NFIB: variants seen among roughly 807,000 people sequenced by gnomAD.
The protein encoded by NFIB is nuclear factor 1 B-type.
A neutral mutation model predicts 61.5 loss-of-function variants in NFIB; 11 were observed. The ratio of observed to expected loss-of-function variants is 0.18; its 90% CI spans 0.11 to 0.30. The LOEUF is 0.30. NFIB is among the 10% of genes least tolerant of loss of function. The probability of loss-of-function intolerance (pLI) is 1.00; values close to 1 mark genes in which losing one functional copy is unlikely to be tolerated. For missense variants in NFIB, 471 were observed against 608.9 expected (o/e 0.77, Z 2.38); for synonymous variants, 260 against 216.5 (o/e 1.20, Z -1.76).
chr9:14,158,956 A>G (rs1006214766), intron 3 of NFIB, among the ~76,000 whole-genome samples: 2 of 152,274 alleles, frequency 1.3e-5, no homozygotes, highest in Admixed American at 6.5e-5. Flanking sequence ...TACATAAACT[A>G]TATCAGAGGT....
chr9:14,441,253 C>T, the NFIB span, among the ~76,000 whole-genome samples: 17 of 151,372 alleles, frequency 1.1e-4, no homozygotes, highest in Admixed American at 2.6e-4. Context: ...CATTTAATAA[C>T]CTGTAGTGCC....
the NFIB span, among the ~76,000 whole-genome samples, chr9:14,530,227 C>T: frequency 6.6e-5 from 10 of 152,280 alleles, no homozygotes; most frequent in African/African-American, 2.4e-4. Flanking sequence ...GAAAGCAAAT[C>T]TTTTACACAA....
chr9:14,123,312 T>C (rs1033121915), intron 7 of NFIB, among the ~76,000 whole-genome samples: 1 of 151,742 alleles, frequency 6.6e-6, no homozygotes, highest in East Asian at 1.9e-4. Context: ...ACAAAAAGTT[T>C]TCCTTTATTA....
At position 14,231,134 on chromosome 9, in the gene NFIB, AAATATATATATATAT is replaced by A. The variant is rs1194939898; in HGVS notation, c.563-51369_563-51355del. Among the ~76,000 whole-genome samples the A allele has an allele frequency of 3.6e-4, 27 of 73,996 alleles. 1 individual carries two copies. The highest frequency in any genetic ancestry group is 1.2e-3 in the African/African-American group (18 of 15,568). 48.5% of individuals were successfully genotyped at this position (73,996 alleles called of 152,430 possible). On this transcript the variant is annotated intron_variant, in intron 2 of 10. Transcript: ENST00000380953. Reference sequence around the variant, plus strand: ...TTTTCCATGGGGAAAAAAAAAAAAAAAATATATATATATATATATATATATATATATATTCGTTGA... The same window carrying A: ...TTTTCCATGGGGAAAAAAAAAAAAAAATATATATATATATATATTCGTTGA...
At chr9:14,512,612 C>T in the NFIB span, among the ~76,000 whole-genome samples, 1 of 151,924 alleles carries the variant, frequency 6.6e-6, no homozygotes, top group African/African-American at 2.4e-5. Flanking sequence ...AATAAGTCCG[C>T]CAATTTATTA....
chr9:14,249,537 T>C (rs765525753), intron 2 of NFIB, among the ~76,000 whole-genome samples: 1 of 152,174 alleles, frequency 6.6e-6, no homozygotes, highest in Non-Finnish European at 1.5e-5. Context: ...GATCCTTTGA[T>C]TTGGGAAATT....
chr9:14,458,838 C>T, the NFIB span, among the ~76,000 whole-genome samples: 1 of 151,674 alleles, frequency 6.6e-6, no homozygotes. Flanking sequence ...TCAAGGAGAA[C>T]TACAAACCAC....
At chr9:14,118,092 T>G (rs1328679412) in intron 8 of NFIB, among the ~76,000 whole-genome samples, 1 of 151,978 alleles carries the variant, frequency 6.6e-6, no homozygotes, top group East Asian at 1.9e-4. Context: ...GATACACTGT[T>G]CCTTAAAAAA....
the NFIB span, among the ~76,000 whole-genome samples, chr9:14,498,295 A>G: frequency 2.0e-5 from 3 of 152,226 alleles, no homozygotes; most frequent in African/African-American, 7.2e-5. Flanking sequence ...GAGTTGTAAT[A>G]TGACTGAAAC....
At chr9:14,423,408 AT>A in the NFIB span, among the ~76,000 whole-genome samples, 1 of 152,076 alleles carries the variant, frequency 6.6e-6, no homozygotes, top group South Asian at 2.1e-4. Flanking sequence ...AAGGGGACTG[AT>A]TTTTTTCTTT....
At chr9:14,256,218 A>T (rs2056208860) in intron 2 of NFIB, among the ~76,000 whole-genome samples, 1 of 152,206 alleles carries the variant, frequency 6.6e-6, no homozygotes, top group Admixed American at 6.5e-5. Context: ...AGAGAGATTG[A>T]ATTTCAGGGT....
chr9:14,305,989 T>C, intron 2 of NFIB: 4 of 1,334,776 alleles, frequency 3.0e-6, no homozygotes, highest in Non-Finnish European at 4.0e-6. Context: ...TATATCTTGA[T>C]GCATTTATTT....
chr9:14,410,092 T>A, the NFIB span, among the ~76,000 whole-genome samples: 4 of 152,112 alleles, frequency 2.6e-5, no homozygotes, highest in Non-Finnish European at 5.9e-5. Flanking sequence ...TGTAACCGTG[T>A]TAAGTCATTT....
chr9:14,396,651 G>T (rs1227887502), intron 1 of NFIB, among the ~76,000 whole-genome samples: 1 of 152,132 alleles, frequency 6.6e-6, no homozygotes, highest in Non-Finnish European at 1.5e-5. Context: ...CAGCACCCAG[G>T]ATACTATATA....
rs913427802 is a variant in NFIB at position 14,358,783 on chromosome 9, C to A, written c.108+39741G>T. Among the ~76,000 whole-genome samples, 4 of 152,206 alleles carry A rather than the reference C, an allele frequency of 2.6e-5. No individual in the cohort carries two copies. In the South Asian group the frequency reaches 8.3e-4, roughly 31 times the overall value. On this transcript the variant is annotated intron_variant, in intron 1 of 8. Transcript: ENST00000380934. ...CTGTTGCAGCCAACTCATATCAACT[C>A]ATCCAAATCAACTGGTAAATGTTCA...
chr9:14,095,913 A>T (rs1360198215), intron 10 of NFIB, among the ~76,000 whole-genome samples: 1 of 152,190 alleles, frequency 6.6e-6, no homozygotes, highest in Non-Finnish European at 1.5e-5. Context: ...AATAATTGTA[A>T]CTTTCTGCAA....
the NFIB span, among the ~76,000 whole-genome samples, chr9:14,495,242 G>T: frequency 6.6e-6 from 1 of 152,102 alleles, no homozygotes; most frequent in East Asian, 1.9e-4. Context: ...AAGCTTCTCA[G>T]AAATAAATCC....
chr9:14,378,662 C>G lies in NFIB; in HGVS notation c.108+19862G>C, dbSNP rs145654359. ...GAGCCACCACACCCAGCCCCAATTA[C>G]TTTATTCTTACACAGCACAAAATGT... On this transcript the variant is annotated intron_variant, in intron 1 of 8. Coordinates refer to the NFIB transcript ENST00000380934. 4.3e-3 allele frequency among the ~76,000 whole-genome samples: 648 copies of G among 152,266 alleles called. 6 individuals are homozygous for G. The highest frequency in any genetic ancestry group is 0.03 in the South Asian group (147 of 4,824).
the NFIB span, among the ~76,000 whole-genome samples, chr9:14,420,439 C>G: frequency 7.0e-5 from 4 of 57,354 alleles, no homozygotes; most frequent in African/African-American, 2.0e-4. Context: ...GAGCGAGACT[C>G]CGTCTCAAAA....
Sources: allele counts gnomAD v4.1 joint callset (sites outside exome capture counted in the v4.1 genomes callset), GRCh38; gene constraint gnomAD v4.1.1; transcripts MANE v1.5; gene names NCBI Gene and HGNC (gene_info 2026-07-23, HGNC 2026-07-21).